Variants in SLC26A7 observed in about 807,000 individuals in gnomAD.
The protein encoded by SLC26A7 is solute carrier family 26 member 7, also known as anion exchange transporter.
In SLC26A7, 59 loss-of-function variants were observed where a neutral mutation model predicts 82.5. The observed-to-expected ratio is 0.72, with a 90% confidence interval of 0.58 to 0.89. The LOEUF is 0.89. Ranked by LOEUF, SLC26A7 falls within the 40% of genes least tolerant of loss-of-function variation. The pLI is 0.00. For synonymous variants in SLC26A7, 271 were observed against 274.3 expected, an observed-to-expected ratio of 0.99 and a Z score of 0.12; for missense variants, 820 against 793.0, an observed-to-expected ratio of 1.03 and a Z score of -0.41.
chr8:91,257,660 G>A (rs561601237), intron 2 of SLC26A7, among the ~76,000 whole-genome samples: 1 of 151,112 alleles, frequency 6.6e-6, no homozygotes, highest in African/African-American at 2.4e-5. Context: ...TTCATTCTTT[G>A]TGCTTGACTG....
intron 8 of SLC26A7, among the ~76,000 whole-genome samples, chr8:91,342,363 C>T (rs183726395): frequency 1.1e-3 from 167 of 152,258 alleles, no homozygotes; most frequent in Non-Finnish European, 1.6e-3. Flanking sequence ...ATTTGCTTTC[C>T]ACCACCACAG....
intron 16 of SLC26A7, among the ~76,000 whole-genome samples, chr8:91,393,363 A>G (rs1195496085): frequency 6.6e-6 from 1 of 152,122 alleles, no homozygotes; most frequent in Non-Finnish European, 1.5e-5. Flanking sequence ...GAGGTTCTCA[A>G]TTTAACATTC....
intron 2 of SLC26A7, among the ~76,000 whole-genome samples, chr8:91,280,629 G>T (rs540577730): frequency 2.0e-5 from 3 of 152,052 alleles, no homozygotes; most frequent in Admixed American, 6.6e-5. Context: ...CATTTCAGTG[G>T]AATTACCACA....
intron 4 of SLC26A7, among the ~76,000 whole-genome samples, chr8:91,301,634 A>G (rs1326205121): frequency 1.3e-5 from 2 of 151,500 alleles, no homozygotes; most frequent in Non-Finnish European, 1.5e-5. Flanking sequence ...TGGTTTTTCT[A>G]TTTTGTTACT....
intron 14 of SLC26A7, 86 bp downstream of exon 14, chr8:91,366,803 C>CTCGTGTGATGT: frequency 7.0e-7 from 1 of 1,438,130 alleles, no homozygotes; most frequent in Non-Finnish European, 9.4e-7. Flanking sequence ...AATAATAATA[C>CTCGTGTGATGT]ATCACACGAG....
At chr8:91,347,635 A>T (rs999682237) in intron 9 of SLC26A7, among the ~76,000 whole-genome samples, 3 of 152,206 alleles carry the variant, frequency 2.0e-5, no homozygotes, top group Admixed American at 6.5e-5. Context: ...AATTTTATAT[A>T]GAAGTGAGTT....
chr8:91,308,906 C>T (rs1389855330), intron 4 of SLC26A7, among the ~76,000 whole-genome samples: 3 of 152,038 alleles, frequency 2.0e-5, no homozygotes, highest in African/African-American at 4.8e-5. Context: ...TCCTTTCTGG[C>T]ACTACAAGAT....
intron 2 of SLC26A7, among the ~76,000 whole-genome samples, chr8:91,227,818 A>C (rs1810257724): frequency 6.6e-6 from 1 of 152,214 alleles, no homozygotes; most frequent in Non-Finnish European, 1.5e-5. Context: ...TTACATCTCC[A>C]GAATAACATT....
intron 4 of SLC26A7, among the ~76,000 whole-genome samples, chr8:91,312,127 C>T (rs915951766): frequency 2.0e-5 from 3 of 152,132 alleles, no homozygotes; most frequent in African/African-American, 4.8e-5. Context: ...CTCACTTCCT[C>T]TAGCCCTTGG....
chr8:91,333,601 C>G (rs1813156653), intron 5 of SLC26A7, among the ~76,000 whole-genome samples: 1 of 152,066 alleles, frequency 6.6e-6, no homozygotes, highest in African/African-American at 2.4e-5. Flanking sequence ...CACTCAAAAC[C>G]CTAAGTCATA....
chr8:91,277,861 C>A (rs1436714728), intron 2 of SLC26A7, among the ~76,000 whole-genome samples: 3 of 151,954 alleles, frequency 2.0e-5, no homozygotes, highest in African/African-American at 7.3e-5. Context: ...TAGGCTTATT[C>A]CCCCCCAAAT....
intron 2 of SLC26A7, among the ~76,000 whole-genome samples, chr8:91,219,448 A>C (rs144925543): frequency 1.3e-5 from 2 of 152,272 alleles, no homozygotes; most frequent in East Asian, 3.9e-4. Context: ...ACCTTCACAG[A>C]AAAAATGAGT....
At chr8:91,369,868 G>C in intron 15 of SLC26A7, 35 bp downstream of exon 15, 1 of 1,534,372 alleles carries the variant, frequency 6.5e-7, no homozygotes. Flanking sequence ...AAATCTAAGT[G>C]TTTACCTTGA....
chr8:91,372,779 G>A (rs1331424248), intron 15 of SLC26A7, among the ~76,000 whole-genome samples: 1 of 151,296 alleles, frequency 6.6e-6, no homozygotes, highest in Non-Finnish European at 1.5e-5. Flanking sequence ...GTGATATAAT[G>A]TGTTAGGAAT....
intron 2 of SLC26A7, among the ~76,000 whole-genome samples, chr8:91,253,472 T>C (rs183542429): frequency 1.3e-5 from 2 of 152,222 alleles, no homozygotes; most frequent in African/African-American, 4.8e-5. Flanking sequence ...TTCCTTATTC[T>C]GTCTCCACCT....
At chr8:91,251,675 C>T (rs1342025118) in intron 2 of SLC26A7, among the ~76,000 whole-genome samples, 4 of 152,034 alleles carry the variant, frequency 2.6e-5, no homozygotes, top group East Asian at 1.9e-4. Flanking sequence ...CAGCAGTCTC[C>T]TCTCCATTTT....
At chr8:91,269,718 C>G (rs1381929478) in intron 2 of SLC26A7, among the ~76,000 whole-genome samples, 1 of 152,014 alleles carries the variant, frequency 6.6e-6, no homozygotes, top group Non-Finnish European at 1.5e-5. Flanking sequence ...GCCTTCCAGT[C>G]CTTTTTCTCT....
At chr8:91,361,238 GAGA>G (rs1198121365) in intron 11 of SLC26A7, among the ~76,000 whole-genome samples, 1 of 151,802 alleles carries the variant, frequency 6.6e-6, no homozygotes, top group Admixed American at 6.6e-5. Context: ...CCAGACAAAG[GAGA>G]AGTATTTCAA....
intron 11 of SLC26A7, among the ~76,000 whole-genome samples, chr8:91,358,183 A>G (rs1265277451): frequency 6.6e-6 from 1 of 152,188 alleles, no homozygotes; most frequent in Non-Finnish European, 1.5e-5. Flanking sequence ...TAGTTCAACC[A>G]TTGTGGAAGA....
Sources: gnomAD v4.1 joint callset for allele counts (sites outside exome capture counted in the v4.1 genomes callset) on GRCh38, gnomAD v4.1.1 for gene constraint, MANE v1.5 for transcripts, NCBI Gene and HGNC (gene_info 2026-07-23, HGNC 2026-07-21) for gene names.